Variants in TANC1 observed in about 807,000 individuals in gnomAD.
TANC1 encodes tetratricopeptide repeat, ankyrin repeat and coiled-coil containing 1.
Under a neutral mutation model 149.7 loss-of-function variants are expected in TANC1, and 77 were observed. The observed-to-expected ratio is 0.51, with a 90% confidence interval of 0.43 to 0.62. TANC1 has a LOEUF of 0.62. Ranked by LOEUF, TANC1 falls within the 20% of genes least tolerant of loss-of-function variation. The probability of loss-of-function intolerance (pLI) is 0.00; values close to 1 mark genes in which losing one functional copy is unlikely to be tolerated. For missense variants in TANC1, 1,985 were observed against 2,321.8 expected, an observed-to-expected ratio of 0.85 and a Z score of 2.98; for synonymous variants, 854 against 925.0, an observed-to-expected ratio of 0.92 and a Z score of 1.39.
chr2:159,173,091 TGA>T (rs1250111594), intron 11 of TANC1, among the ~76,000 whole-genome samples: 3 of 152,166 alleles, frequency 2.0e-5, no homozygotes, highest in Non-Finnish European at 2.9e-5. Context: ...GTGGGTGATT[TGA>T]GATGAGTGAT....
intron 4 of TANC1, among the ~76,000 whole-genome samples, chr2:159,129,659 T>C (rs1473231640): frequency 6.6e-6 from 1 of 152,188 alleles, no homozygotes; most frequent in Non-Finnish European, 1.5e-5. Flanking sequence ...TTTTTAATTT[T>C]AAGGGTCCTT....
chr2:159,049,431 T>A (rs1250750730), intron 2 of TANC1, among the ~76,000 whole-genome samples: 1 of 152,182 alleles, frequency 6.6e-6, no homozygotes, highest in African/African-American at 2.4e-5. Context: ...GAGTGTATAA[T>A]AACAGTGGTT....
chr2:159,124,943 A>G (rs1559304621), intron 4 of TANC1, among the ~76,000 whole-genome samples: 1 of 142,946 alleles, frequency 7.0e-6, no homozygotes, highest in East Asian at 2.2e-4. Context: ...GAGTTTCACC[A>G]TGTTTCCCAG....
intron 2 of TANC1, among the ~76,000 whole-genome samples, chr2:159,038,717 G>T (rs1277808290): frequency 6.6e-6 from 1 of 152,126 alleles, no homozygotes; most frequent in African/African-American, 2.4e-5. Context: ...GATCTTGGTG[G>T]ATAAGCTTTT....
intron 8 of TANC1, among the ~76,000 whole-genome samples, chr2:159,168,635 T>C (rs1481356404): frequency 2.0e-5 from 3 of 152,146 alleles, no homozygotes; most frequent in Non-Finnish European, 4.4e-5. Flanking sequence ...TTAGGTGATA[T>C]GAGTCTTACT....
intron 13 of TANC1, among the ~76,000 whole-genome samples, chr2:159,178,045 C>T (rs910081463): frequency 9.2e-5 from 14 of 152,248 alleles, no homozygotes; most frequent in Non-Finnish European, 1.9e-4. Flanking sequence ...GATGCGCTGT[C>T]GTTGAGACAC....
Position 159,109,856 on chromosome 2 carries a change from C to T in TANC1, c.259+12022C>T, listed in dbSNP as rs561110506. Among the ~76,000 whole-genome samples, 9 of 152,218 alleles carry T rather than the reference C, an allele frequency of 5.9e-5. No homozygotes were observed. In the South Asian group the frequency reaches 6.2e-4, roughly 11 times the overall value. On this transcript the variant is annotated intron_variant, in intron 4 of 26. Coordinates refer to ENST00000263635, the MANE Select transcript of TANC1 (RefSeq NM_033394.3). Reference sequence around the variant, plus strand: ...TGGCCCCAAAGCACAAGAGTGGTGACGCTGGCAATTTGGAAATGCCAAGGA... The same window carrying T: ...TGGCCCCAAAGCACAAGAGTGGTGATGCTGGCAATTTGGAAATGCCAAGGA...
chr2:159,123,214 G>A (rs2049035662), intron 4 of TANC1, among the ~76,000 whole-genome samples: 1 of 152,176 alleles, frequency 6.6e-6, no homozygotes, highest in African/African-American at 2.4e-5. Flanking sequence ...GGATGGGGCT[G>A]AAGAATTTCC....
chr2:158,984,890 A>G (rs1410370454), intron 1 of TANC1, among the ~76,000 whole-genome samples: 2 of 152,226 alleles, frequency 1.3e-5, no homozygotes, highest in Non-Finnish European at 2.9e-5. Flanking sequence ...GTACAGTGGC[A>G]GGGAGAAGAG....
intron 2 of TANC1, among the ~76,000 whole-genome samples, chr2:159,016,442 T>C (rs1423358124): frequency 2.6e-5 from 4 of 152,172 alleles, no homozygotes; most frequent in Non-Finnish European, 4.4e-5. Context: ...TTGACATGAA[T>C]TTTGGGGACA....
chr2:159,147,968 C>T (rs1291117012), intron 5 of TANC1: 3 of 152,190 alleles, frequency 2.0e-5, no homozygotes, highest in African/African-American at 7.2e-5. Context: ...TTTGTGGTTC[C>T]TTACAAAAGG....
At chr2:159,184,813 A>T (rs2150591436) in intron 14 of TANC1, among the ~76,000 whole-genome samples, 1 of 152,330 alleles carries the variant, frequency 6.6e-6, no homozygotes, top group African/African-American at 2.4e-5. Context: ...GACGAGACTC[A>T]GTGGGCAGTG....
intron 20 of TANC1, among the ~76,000 whole-genome samples, chr2:159,217,898 TG>T (rs1206281607): frequency 1.3e-5 from 2 of 151,850 alleles, no homozygotes; most frequent in Non-Finnish European, 2.9e-5. Context: ...GGAAGTGGAG[TG>T]GGTGGATTCA....
At chr2:159,183,611 G>T (rs2056695845) in intron 14 of TANC1, among the ~76,000 whole-genome samples, 2 of 152,098 alleles carry the variant, frequency 1.3e-5, no homozygotes, top group African/African-American at 4.8e-5. Flanking sequence ...TCCGCCTGTT[G>T]GGTTGAGAGG....
intron 3 of TANC1, among the ~76,000 whole-genome samples, chr2:159,075,027 G>A (rs1281190794): frequency 6.6e-6 from 1 of 152,116 alleles, no homozygotes; most frequent in Admixed American, 6.5e-5. Context: ...CACATTGGGA[G>A]TTAGAGCTTC....
At position 159,136,580 on chromosome 2, in the gene TANC1, C is replaced by T. The variant is rs536087269; in HGVS notation, c.364+282C>T. Among the ~76,000 whole-genome samples, 11 of 152,230 alleles carry T rather than the reference C, an allele frequency of 7.2e-5. No individual in the cohort carries two copies. The South Asian group carries it at 1.2e-3, about 17-fold the overall frequency. ...CTACCAGGTCTTGGAGGATAGGAAG[C>T]GTCACCCAGTAGATTGCTTCCAAGA... On this transcript the variant is annotated intron_variant, in intron 5 of 26. Transcript: ENST00000263635.
chr2:159,203,111 G>A (rs1216852391), intron 19 of TANC1, among the ~76,000 whole-genome samples: 1 of 152,064 alleles, frequency 6.6e-6, no homozygotes, highest in East Asian at 1.9e-4. Context: ...GTCCTGTCTG[G>A]TATCAGAGCC....
chr2:159,073,649 C>T (rs970747841), intron 3 of TANC1, among the ~76,000 whole-genome samples: 5 of 152,164 alleles, frequency 3.3e-5, no homozygotes, highest in African/African-American at 7.2e-5. Context: ...TTTATTAAAA[C>T]TCCTCTGTAA....
intron 1 of TANC1, among the ~76,000 whole-genome samples, chr2:158,996,231 G>A (rs890332070): frequency 1.1e-4 from 16 of 152,198 alleles, no homozygotes; most frequent in African/African-American, 2.6e-4. Context: ...GTGGTGGCAT[G>A]TGCCTGTAGT....
Sources: gnomAD v4.1 joint callset for allele counts (sites outside exome capture counted in the v4.1 genomes callset) on GRCh38, gnomAD v4.1.1 for gene constraint, MANE v1.5 for transcripts, NCBI Gene and HGNC (gene_info 2026-07-23, HGNC 2026-07-21) for gene names.